ERBB4: variants seen among roughly 807,000 people sequenced by gnomAD.
The protein encoded by ERBB4 is erb-b2 receptor tyrosine kinase 4, also known as receptor tyrosine-protein kinase erbB-4.
A neutral mutation model predicts 158.0 loss-of-function variants in ERBB4; 42 were observed. That is an observed-to-expected ratio of 0.27 (90% confidence interval 0.21 to 0.34). The LOEUF (loss-of-function observed/expected upper bound fraction) is 0.34. Ranked by LOEUF, ERBB4 falls within the 10% of genes least tolerant of loss-of-function variation. ERBB4 has a pLI of 1.00. For missense variants in ERBB4, 1,333 were observed against 1,624.1 expected (o/e 0.82, Z 3.08); for synonymous variants, 583 against 558.7 (o/e 1.04, Z -0.61).
In ERBB4 at chr2:212,003,187, AAGAAAGAAAGAAAGAAAGAC is replaced by A. The variant is rs1261053953; in HGVS notation, c.235-55591_235-55572del. On this transcript the variant is annotated intron_variant, in intron 2 of 27. Coordinates refer to ENST00000342788, the MANE Select transcript of ERBB4 (RefSeq NM_005235.3). ...AAAGAAAGAAAGAAAGAAAGAAAGA[AAGAAAGAAAGAAAGAAAGAC>A]AGAAAGAAGGAAGGAAGGAAGGAAG... Among the ~76,000 whole-genome samples, 147 of 73,344 alleles carry A rather than the reference AAGAAAGAAAGAAAGAAAGAC, an allele frequency of 2.0e-3. 5 individuals carry two copies. The highest frequency in any genetic ancestry group is 7.2e-3 in the East Asian group (19 of 2,624). The allele number at this position is 73,344 out of a possible 152,430, so 48.1% of individuals were successfully genotyped here.
intron 2 of ERBB4, among the ~76,000 whole-genome samples, chr2:212,109,674 C>T (rs139508355): frequency 6.6e-6 from 1 of 152,286 alleles, no homozygotes; most frequent in African/African-American, 2.4e-5. Flanking sequence ...TCTTCTATCC[C>T]TTTAGCAGCA....
rs142404314 is a variant in ERBB4, at chr2:212,086,754, G to A, written c.234+37998C>T. Among the ~76,000 whole-genome samples the A allele has an allele frequency of 1.5e-3, 226 of 152,114 alleles. 3 individuals are homozygous for A. Among genetic ancestry groups the A allele is most frequent in the African/African-American group, 5.1e-3 (210 of 41,516 alleles). ...ATAAGGCTAAAAAAGTTAAAGCAAC[G>A]GCTTCCCCTTATCTTCCAAATCCAG... On this transcript the variant is annotated intron_variant, in intron 2 of 27. Coordinates refer to ENST00000342788, the MANE Select transcript of ERBB4 (RefSeq NM_005235.3).
At position 211,862,056 on chromosome 2, in the gene ERBB4, T is replaced by G. The variant is rs553477760; in HGVS notation, c.422-73897A>C. ...TATAAAACATATTTATTCAAAAATT[T>G]TATTTAACCTTGCTGTTACTAAAAT... On this transcript the variant is annotated intron_variant, in intron 3 of 27. Transcript: ENST00000342788. 2.6e-3 allele frequency among the ~76,000 whole-genome samples: 399 copies of G among 152,316 alleles called. 4 individuals carry two copies. Among genetic ancestry groups the G allele is most frequent in the Non-Finnish European group, 4.0e-3 (272 of 68,008 alleles).
chr2:211,570,325 CTTTTTT>C (rs769458178), intron 19 of ERBB4, among the ~76,000 whole-genome samples: 1 of 105,222 alleles, frequency 9.5e-6, no homozygotes, highest in African/African-American at 3.9e-5. Context: ...CTAATTTTTG[CTTTTTT>C]TTTTTTTTTT....
chr2:211,761,914 G>A (rs1325924015), intron 4 of ERBB4, among the ~76,000 whole-genome samples: 1 of 152,108 alleles, frequency 6.6e-6, no homozygotes, highest in South Asian at 2.1e-4. Flanking sequence ...TCTCCTTTCA[G>A]GCTCCATTAT....
chr2:211,393,119 C>CTTTTATAA (rs2062837668), intron 25 of ERBB4, among the ~76,000 whole-genome samples: 1 of 152,126 alleles, frequency 6.6e-6, no homozygotes, highest in Non-Finnish European at 1.5e-5. Flanking sequence ...GAAATGCTGT[C>CTTTTATAA]TTTTATAATG....
chr2:212,316,018 C>T (rs1217746939), intron 1 of ERBB4, among the ~76,000 whole-genome samples: 1 of 151,316 alleles, frequency 6.6e-6, no homozygotes, highest in Admixed American at 6.6e-5. Flanking sequence ...TGATTCCTAA[C>T]AGACAAATGA....
chr2:211,420,152 T>C, intron 25 of ERBB4, among the ~76,000 whole-genome samples: 1 of 152,178 alleles, frequency 6.6e-6, no homozygotes, highest in East Asian at 1.9e-4. Flanking sequence ...TTAGTTGGAA[T>C]TGTTTTTTAA....
intron 1 of ERBB4, among the ~76,000 whole-genome samples, chr2:212,307,979 A>C (rs1407479327): frequency 1.3e-5 from 2 of 150,794 alleles, no homozygotes; most frequent in Non-Finnish European, 3.0e-5. Flanking sequence ...ATTATAACCA[A>C]GAGACAACGT....
At chr2:211,746,667 A>G (rs367627603) in intron 5 of ERBB4, among the ~76,000 whole-genome samples, 3 of 151,984 alleles carry the variant, frequency 2.0e-5, no homozygotes, top group African/African-American at 7.3e-5. Flanking sequence ...CGTCTCTACT[A>G]AAAGTACAAA....
At chr2:211,778,079 T>C (rs1052726400) in intron 4 of ERBB4, among the ~76,000 whole-genome samples, 1 of 152,180 alleles carries the variant, frequency 6.6e-6, no homozygotes, top group African/African-American at 2.4e-5. Flanking sequence ...GGCTTCAATC[T>C]ACTTCTCCCA....
chr2:211,820,061 T>G (rs1575194262), intron 3 of ERBB4, among the ~76,000 whole-genome samples: 1 of 151,856 alleles, frequency 6.6e-6, no homozygotes, highest in Non-Finnish European at 1.5e-5. Context: ...TGTTTCACAT[T>G]CAAATCATTA....
At chr2:211,914,049 CAAA>C (rs74891191) in intron 3 of ERBB4, among the ~76,000 whole-genome samples, 8,055 of 93,254 alleles carry the variant, frequency 0.086, 237 homozygotes, top group Middle Eastern at 0.14. Context: ...CTTGGAATGA[CAAA>C]AAAAAAAAAA....
intron 20 of ERBB4, among the ~76,000 whole-genome samples, chr2:211,553,005 G>T (rs1365638698): frequency 2.0e-5 from 3 of 149,062 alleles, no homozygotes; most frequent in Non-Finnish European, 4.4e-5. Context: ...GTCTCACTCT[G>T]TCACCCAGAC....
chr2:211,487,217 A>C lies in ERBB4; in HGVS notation c.2488-56117T>G, dbSNP rs200623551. On this transcript the variant is annotated intron_variant, in intron 20 of 27. Transcript: ENST00000342788. ...TGTGTCCAAGAATTCTCATTATTCA[A>C]TTCCCACCTATGAGTGAGAACATGC... 3.4e-5 allele frequency among the ~76,000 whole-genome samples: 5 copies of C among 145,012 alleles called. No individual in the cohort carries two copies. In the East Asian group the frequency reaches 1.0e-3, roughly 30 times the overall value.
At chr2:211,743,983 G>A (rs895997175) in intron 5 of ERBB4, among the ~76,000 whole-genome samples, 1 of 152,164 alleles carries the variant, frequency 6.6e-6, no homozygotes, top group Admixed American at 6.5e-5. Flanking sequence ...TGATGTTTTA[G>A]AAAATCAGAC....
chr2:211,535,415 T>A (rs754294175), intron 20 of ERBB4, among the ~76,000 whole-genome samples: 77 of 152,116 alleles, frequency 5.1e-4, no homozygotes, highest in African/African-American at 1.7e-3. Context: ...GGGCTTGGAA[T>A]CAAGAGTCTT....
chr2:211,806,653 G>A (rs1400216784), intron 3 of ERBB4, among the ~76,000 whole-genome samples: 2 of 152,032 alleles, frequency 1.3e-5, no homozygotes, highest in Non-Finnish European at 2.9e-5. Context: ...TAGTCTCCAG[G>A]GAAAAGGGGG....
intron 6 of ERBB4, among the ~76,000 whole-genome samples, chr2:211,722,965 C>A (rs1417308837): frequency 2.0e-5 from 3 of 152,194 alleles, no homozygotes; most frequent in Non-Finnish European, 4.4e-5. Context: ...ACAATTATCA[C>A]CACTGTCCTG....
Sources: allele counts gnomAD v4.1 joint callset (sites outside exome capture counted in the v4.1 genomes callset), GRCh38; gene constraint gnomAD v4.1.1; transcripts MANE v1.5; gene names NCBI Gene and HGNC (gene_info 2026-07-23, HGNC 2026-07-21).